Variants in PCDH15 observed in about 807,000 individuals in gnomAD.
PCDH15 encodes the protein protocadherin-15.
Under a neutral mutation model 178.5 loss-of-function variants are expected in PCDH15, and 129 were observed. The ratio of observed to expected loss-of-function variants is 0.72; its 90% CI spans 0.63 to 0.84. The LOEUF (loss-of-function observed/expected upper bound fraction) is 0.84. PCDH15 is among the 40% of genes least tolerant of loss of function. The pLI is 0.00. For missense variants in PCDH15, 2,230 were observed against 2,099.9 expected (o/e 1.06, Z -1.21); for synonymous variants, 800 against 732.0 (o/e 1.09, Z -1.50).
At chr10:55,051,936 C>G (rs950001018) in intron 2 of PCDH15, among the ~76,000 whole-genome samples, 1 of 151,926 alleles carries the variant, frequency 6.6e-6, no homozygotes, top group South Asian at 2.1e-4. Flanking sequence ...CCTCACTCAG[C>G]CTGCTTCAGA....
At chr10:54,259,476 A>G (rs2043996) in intron 8 of PCDH15, among the ~76,000 whole-genome samples, 109,233 of 152,036 alleles carry the variant, frequency 0.72, 40,194 homozygotes, top group Middle Eastern at 0.76. Flanking sequence ...AATCCCAAAT[A>G]TGTTACAAGA....
intron 1 of PCDH15, among the ~76,000 whole-genome samples, chr10:54,710,547 A>G (rs1378281590): frequency 6.6e-6 from 1 of 151,976 alleles, no homozygotes; most frequent in Admixed American, 6.6e-5. Flanking sequence ...AAACACCTCT[A>G]TAATGACCAC....
chr10:54,857,571 G>T (rs898597569), intron 3 of PCDH15, among the ~76,000 whole-genome samples: 4 of 151,580 alleles, frequency 2.6e-5, no homozygotes, highest in Non-Finnish European at 5.9e-5. Context: ...TCAGCCTCCC[G>T]AGTACATAGG....
At chr10:54,081,286 C>G (rs192157792) in intron 16 of PCDH15, among the ~76,000 whole-genome samples, 1 of 144,168 alleles carries the variant, frequency 6.9e-6, no homozygotes, top group Admixed American at 7.3e-5. Context: ...ATCTATATCG[C>G]CTCCCAACTG....
intron 1 of PCDH15, among the ~76,000 whole-genome samples, chr10:55,262,975 T>A (rs1455369614): frequency 6.6e-6 from 1 of 152,130 alleles, no homozygotes; most frequent in Non-Finnish European, 1.5e-5. Flanking sequence ...AGCCTGCCCA[T>A]CTGCATGCTC....
intron 15 of PCDH15, among the ~76,000 whole-genome samples, chr10:54,101,976 A>G (rs1036455531): frequency 2.0e-5 from 3 of 152,290 alleles, no homozygotes; most frequent in African/African-American, 7.2e-5. Context: ...CCTTGTCTCA[A>G]AATAATATTA....
intron 2 of PCDH15, among the ~76,000 whole-genome samples, chr10:54,542,133 A>G (rs2132991867): frequency 6.6e-6 from 1 of 152,368 alleles, no homozygotes; most frequent in South Asian, 2.1e-4. Context: ...TGCCACATTT[A>G]CAAGGTACGG....
chr10:53,846,376 A>G (rs2077981479), intron 28 of PCDH15, among the ~76,000 whole-genome samples: 1 of 151,972 alleles, frequency 6.6e-6, no homozygotes, highest in African/African-American at 2.4e-5. Flanking sequence ...AAGTTTTAAA[A>G]ACAGAAAACT....
rs570974703 is a variant in PCDH15, at chr10:54,520,140, G to A, written c.157+7672C>T. 2.0e-5 allele frequency among the ~76,000 whole-genome samples: 3 copies of A among 152,208 alleles called. No individual in the cohort carries two copies. The South Asian group carries it at 6.2e-4, about 32-fold the overall frequency. On this transcript the variant is annotated intron_variant, in intron 3 of 37. Coordinates refer to ENST00000644397, the MANE Select transcript of PCDH15 (RefSeq NM_001384140.1). Reference sequence around the variant, plus strand: ...AGAAAACCTAGGCAATACCATTCAGGACATAGTCATGGGCAAGGACTTTAT... The same window carrying A: ...AGAAAACCTAGGCAATACCATTCAGAACATAGTCATGGGCAAGGACTTTAT...
intron 2 of PCDH15, chr10:55,512,783 C>T (rs951394021): frequency 2.0e-5 from 3 of 152,084 alleles, no homozygotes; most frequent in East Asian, 3.9e-4. Flanking sequence ...TTCTCAGTCA[C>T]TTGCTTTCCC....
At chr10:55,005,207 A>AAATAATAATAATAATAATAATAATAAT (rs373796184) in intron 2 of PCDH15, among the ~76,000 whole-genome samples, 5,730 of 103,196 alleles carry the variant, frequency 0.056, 182 homozygotes, top group Middle Eastern at 0.096. Context: ...CCCTGTCTCT[A>AAATAATAATAATAATAATAATAATAAT]AATAATAATA....
chr10:54,331,012 G>C (rs1791352703), intron 6 of PCDH15, among the ~76,000 whole-genome samples: 1 of 151,598 alleles, frequency 6.6e-6, no homozygotes, highest in Admixed American at 6.6e-5. Flanking sequence ...GCAAGGGGAA[G>C]GAGAAGAGAA....
Position 54,779,468 on chromosome 10 carries a change from ATATATACACACATATATATG to A in PCDH15, c.-29+21437_-29+21456del, listed in dbSNP as rs1445311130. 2.0e-4 allele frequency among the ~76,000 whole-genome samples: 24 copies of A among 119,162 alleles called. 1 individual carries two copies. Among genetic ancestry groups the A allele is most frequent in the Admixed American group, 3.5e-4 (4 of 11,524 alleles). 78.2% of individuals were successfully genotyped at this position (119,162 alleles called of 152,430 possible). ...TATATACACTCATATATGTGTGTAT[ATATATACACACATATATATG>A]TATATATATACACACATATATGTGT... On this transcript the variant is annotated intron_variant, in intron 1 of 37. Transcript: ENST00000644397.
At chr10:54,313,032 T>TA in intron 8 of PCDH15, among the ~76,000 whole-genome samples, 1 of 152,234 alleles carries the variant, frequency 6.6e-6, no homozygotes, top group Non-Finnish European at 1.5e-5. Context: ...TTAAAAATGA[T>TA]AAAAGGATCA....
intron 20 of PCDH15, among the ~76,000 whole-genome samples, chr10:54,017,298 T>A (rs1200402680): frequency 6.6e-6 from 1 of 152,132 alleles, no homozygotes; most frequent in Non-Finnish European, 1.5e-5. Flanking sequence ...GTGTAGGGAT[T>A]ACAAGCATGA....
At chr10:54,346,631 C>T in intron 5 of PCDH15, 147 bp from the exon 6 acceptor site, 1 of 888,922 alleles carries the variant, frequency 1.1e-6, no homozygotes, top group Non-Finnish European at 1.8e-6. Flanking sequence ...TTCAAAAGAA[C>T]AGTTTTGAGC....
intron 1 of PCDH15, among the ~76,000 whole-genome samples, chr10:54,684,045 T>C: frequency 6.6e-6 from 1 of 152,162 alleles, no homozygotes; most frequent in East Asian, 1.9e-4. Context: ...TTAGGGAAAT[T>C]ATACCTAAGA....
intron 2 of PCDH15, among the ~76,000 whole-genome samples, chr10:55,549,607 C>A (rs1286341867): frequency 6.6e-6 from 1 of 152,050 alleles, no homozygotes; most frequent in African/African-American, 2.4e-5. Flanking sequence ...AGTTTCCATT[C>A]TTTTATTTAT....
chr10:54,091,713 C>T (rs1212448293), intron 15 of PCDH15, among the ~76,000 whole-genome samples: 1 of 152,230 alleles, frequency 6.6e-6, no homozygotes, highest in Non-Finnish European at 1.5e-5. Flanking sequence ...ACTTCCTTCG[C>T]ATGGCTCCTA....
Sources: gnomAD v4.1 joint callset for allele counts (sites outside exome capture counted in the v4.1 genomes callset) on GRCh38, gnomAD v4.1.1 for gene constraint, MANE v1.5 for transcripts, NCBI Gene and HGNC (gene_info 2026-07-23, HGNC 2026-07-21) for gene names.